Variants in TRAM2 observed in about 807,000 individuals in gnomAD.
TRAM2 encodes translocation associated membrane protein 2.
A neutral mutation model predicts 51.0 loss-of-function variants in TRAM2; 12 were observed. The observed-to-expected ratio is 0.24, with a 90% CI of 0.15 to 0.38. The LOEUF is 0.38. Among genes scored for constraint, TRAM2 ranks in the 10% least tolerant of loss-of-function variants. TRAM2 has a pLI of 1.00. For synonymous variants in TRAM2, 175 were observed against 179.4 expected (o/e 0.98, Z 0.20); for missense variants, 361 against 462.0 (o/e 0.78, Z 2.00).
chr6:52,510,865 T>G (rs1766439602), intron 4 of TRAM2, among the ~76,000 whole-genome samples: 1 of 152,058 alleles, frequency 6.6e-6, no homozygotes, highest in African/African-American at 2.4e-5. Context: ...AATCCAAGAG[T>G]ACAAAGCATG....
At chr6:52,547,344 T>C (rs2284809) in intron 1 of TRAM2, among the ~76,000 whole-genome samples, 4 of 152,006 alleles carry the variant, frequency 2.6e-5, no homozygotes, top group Non-Finnish European at 5.9e-5. Context: ...CCCAAGAGGG[T>C]GCACTGGGCC....
intron 9 of TRAM2, 109 bp downstream of exon 9, chr6:52,505,490 A>T: frequency 7.0e-7 from 1 of 1,423,012 alleles, no homozygotes; most frequent in Non-Finnish European, 9.4e-7. Flanking sequence ...TCCAAAAAAT[A>T]ACAATATGTG....
At chr6:52,546,026 C>T (rs1562485154) in intron 1 of TRAM2, among the ~76,000 whole-genome samples, 1 of 152,150 alleles carries the variant, frequency 6.6e-6, no homozygotes, top group Non-Finnish European at 1.5e-5. Flanking sequence ...TCTCACAGGG[C>T]AAGTACAGGC....
chr6:52,550,178 C>T (rs1007203025), intron 1 of TRAM2, among the ~76,000 whole-genome samples: 2 of 152,180 alleles, frequency 1.3e-5, no homozygotes, highest in African/African-American at 4.8e-5. Context: ...TCCTGCTGGA[C>T]AGTTCTGGCA....
In TRAM2 at chr6:52,517,088, G is replaced by A. The variant is rs1401807309; in HGVS notation, c.185-351C>T. On this transcript the variant is annotated intron_variant, in intron 2 of 10. Transcript: ENST00000182527. ...CCTAACTGTGTGACTGTGGATAAAG[G>A]ACTAACCTCTTTGAGCCTCAGTTTC... The A allele has an allele frequency of 2.8e-5, 6 of 217,686 alleles. No homozygotes were observed. The East Asian group carries it at 7.4e-4, about 27-fold the overall frequency. 13.5% of individuals were successfully genotyped at this position (217,686 alleles called of 1,614,324 possible). A position where few individuals can be genotyped will look rare whatever the true frequency, so the allele number is the denominator to read the frequency against.
At chr6:52,527,933 C>G (rs938661819) in intron 2 of TRAM2, among the ~76,000 whole-genome samples, 7 of 152,144 alleles carry the variant, frequency 4.6e-5, no homozygotes, top group African/African-American at 1.7e-4. Context: ...CAGAGGCTCC[C>G]CATTCTTTTT....
At chr6:52,533,603 A>C (rs1361003845) in intron 2 of TRAM2, among the ~76,000 whole-genome samples, 1 of 152,246 alleles carries the variant, frequency 6.6e-6, no homozygotes. Context: ...TGGTTGCCCC[A>C]GAAAAGCATG....
chr6:52,545,912 A>G (rs1315299328), intron 1 of TRAM2, among the ~76,000 whole-genome samples: 1 of 152,070 alleles, frequency 6.6e-6, no homozygotes, highest in East Asian at 1.9e-4. Context: ...CCCCACACCC[A>G]GCACCACCAT....
intron 1 of TRAM2, among the ~76,000 whole-genome samples, chr6:52,565,997 G>A (rs903200577): frequency 6.6e-6 from 1 of 152,178 alleles, no homozygotes; most frequent in East Asian, 1.9e-4. Context: ...CAAAACAAAA[G>A]ATAGAGGGAA....
chr6:52,511,940 C>G (rs1027412835), intron 4 of TRAM2, among the ~76,000 whole-genome samples: 1 of 152,140 alleles, frequency 6.6e-6, no homozygotes, highest in South Asian at 2.1e-4. Flanking sequence ...GTGGATGAGG[C>G]TCTCGGGTGG....
At chr6:52,537,736 A>G (rs1013946994) in intron 1 of TRAM2, among the ~76,000 whole-genome samples, 2 of 151,304 alleles carry the variant, frequency 1.3e-5, no homozygotes, top group African/African-American at 2.4e-5. Context: ...TCCCGTTCCC[A>G]TTTATCCTCG....
intron 1 of TRAM2, among the ~76,000 whole-genome samples, chr6:52,554,910 C>T (rs377761020): frequency 3.3e-5 from 5 of 151,908 alleles, no homozygotes; most frequent in Admixed American, 6.6e-5. Flanking sequence ...CTGAGGTACA[C>T]GCCACCATGC....
chr6:52,520,715 C>T (rs1766656688), intron 2 of TRAM2, among the ~76,000 whole-genome samples: 1 of 152,114 alleles, frequency 6.6e-6, no homozygotes, highest in Non-Finnish European at 1.5e-5. Context: ...TCCTAGAACC[C>T]AGCCACCAAA....
chr6:52,560,261 AAGAG>A (rs113309462), intron 1 of TRAM2, among the ~76,000 whole-genome samples: 1 of 151,878 alleles, frequency 6.6e-6, no homozygotes, highest in Non-Finnish European at 1.5e-5. Flanking sequence ...AAAAAAAAAA[AAGAG>A]AGAGAGAGAA....
At chr6:52,572,764 T>C (rs1397898398) in intron 1 of TRAM2, among the ~76,000 whole-genome samples, 2 of 152,188 alleles carry the variant, frequency 1.3e-5, no homozygotes, top group Admixed American at 6.5e-5. Context: ...TGGGAGGATA[T>C]GAACCAGTGC....
At chr6:52,503,376 C>T in intron 10 of TRAM2, 106 bp from the exon 11 acceptor site, 1 of 1,005,086 alleles carries the variant, frequency 9.9e-7, no homozygotes, top group Admixed American at 1.7e-5. Context: ...AGCCCAGCTG[C>T]TATACATGGA....
chr6:52,550,976 A>C (rs1477857688), intron 1 of TRAM2, among the ~76,000 whole-genome samples: 1 of 152,208 alleles, frequency 6.6e-6, no homozygotes, highest in East Asian at 1.9e-4. Flanking sequence ...TGGGCCATCT[A>C]ATTTCCAAAG....
intron 1 of TRAM2, among the ~76,000 whole-genome samples, chr6:52,575,821 A>G (rs900083942): frequency 5.9e-5 from 9 of 152,336 alleles, no homozygotes; most frequent in Middle Eastern, 6.8e-3. Context: ...TCGCTCACAT[A>G]TCTCACTTCT....
intron 2 of TRAM2, chr6:52,529,966 T>C (rs1357291804): frequency 1.3e-5 from 2 of 152,172 alleles, no homozygotes; most frequent in Non-Finnish European, 2.9e-5. Context: ...GAGTGTGTAA[T>C]GGTAAGACCA....
Sources: gnomAD v4.1 joint callset for allele counts (sites outside exome capture counted in the v4.1 genomes callset) on GRCh38, gnomAD v4.1.1 for gene constraint, MANE v1.5 for transcripts, NCBI Gene and HGNC (gene_info 2026-07-23, HGNC 2026-07-21) for gene names.